Variants in MSRA observed in about 807,000 individuals in gnomAD.
MSRA encodes mitochondrial peptide methionine sulfoxide reductase.
Under a neutral mutation model 31.3 loss-of-function variants are expected in MSRA, and 54 were observed. That is an observed-to-expected ratio of 1.73 (90% CI 1.39 to 2.17). The LOEUF (loss-of-function observed/expected upper bound fraction) is 2.17, where lower values mean the gene tolerates loss of function less well. Among genes scored for constraint, MSRA ranks in the 30% most tolerant of loss-of-function variants. The pLI is 0.00. For missense variants in MSRA, 507 were observed against 300.9 expected (o/e 1.69, Z -5.07); for synonymous variants, 169 against 116.5 (o/e 1.45, Z -2.90).
At chr8:10,077,177 C>T (rs985684214) in intron 1 of MSRA, among the ~76,000 whole-genome samples, 1 of 152,164 alleles carries the variant, frequency 6.6e-6, no homozygotes, top group African/African-American at 2.4e-5. Flanking sequence ...TGGTCGGCCA[C>T]AGCCATTGCA....
At chr8:10,161,822 C>G (rs79980628) in intron 1 of MSRA, among the ~76,000 whole-genome samples, 1 of 150,142 alleles carries the variant, frequency 6.7e-6, no homozygotes, top group African/African-American at 2.5e-5. Flanking sequence ...TTCGTGAATC[C>G]CGCCCCGCCC....
chr8:10,173,852 C>A (rs1421242227), intron 1 of MSRA, among the ~76,000 whole-genome samples: 2 of 152,170 alleles, frequency 1.3e-5, no homozygotes, highest in African/African-American at 4.8e-5. Flanking sequence ...TCACACCAGG[C>A]AGCATTTGTC....
rs182201210 is a variant in MSRA, at chr8:10,055,590, C to T, written c.142+932C>T. ...AGCCCAACAATCTCTAAAACAAGTC[C>T]TCCAGGTGATTGTAATGTACGCTGT... On this transcript the variant is annotated intron_variant, in intron 1 of 5. Coordinates refer to ENST00000317173, the MANE Select transcript of MSRA (RefSeq NM_012331.5). Among the ~76,000 whole-genome samples the T allele has an allele frequency of 4.6e-5, 7 of 152,366 alleles. No individual in the cohort carries two copies. In the East Asian group the frequency reaches 9.6e-4, roughly 21 times the overall value.
intron 1 of MSRA, among the ~76,000 whole-genome samples, chr8:10,075,726 T>C (rs1352856887): frequency 6.6e-6 from 1 of 152,208 alleles, no homozygotes; most frequent in Admixed American, 6.5e-5. Flanking sequence ...TCTCGTAAGG[T>C]GGTTCTCAGT....
chr8:10,105,389 A>G (rs1240204865), intron 1 of MSRA, among the ~76,000 whole-genome samples: 2 of 152,206 alleles, frequency 1.3e-5, no homozygotes, highest in Non-Finnish European at 2.9e-5. Context: ...TTATCTCCTT[A>G]ATTAACATCT....
chr8:10,387,812 C>T (rs2129177792), intron 5 of MSRA, among the ~76,000 whole-genome samples: 1 of 152,258 alleles, frequency 6.6e-6, no homozygotes, highest in African/African-American at 2.4e-5. Context: ...AAGACAATTG[C>T]TTTTTTCGGG....
chr8:10,298,688 C>A (rs1326596685), intron 3 of MSRA, among the ~76,000 whole-genome samples: 1 of 152,122 alleles, frequency 6.6e-6, no homozygotes, highest in Non-Finnish European at 1.5e-5. Context: ...CATTGTTGTT[C>A]ACTAAATCAT....
chr8:10,333,121 T>C (rs879348293), intron 5 of MSRA, among the ~76,000 whole-genome samples: 1 of 152,148 alleles, frequency 6.6e-6, no homozygotes, highest in Non-Finnish European at 1.5e-5. Context: ...AGTAGAAGTA[T>C]AGACACAAAA....
intron 3 of MSRA, among the ~76,000 whole-genome samples, chr8:10,255,732 G>C (rs760746926): frequency 6.6e-6 from 1 of 151,810 alleles, no homozygotes; most frequent in Non-Finnish European, 1.5e-5. Flanking sequence ...TCGTAAAATG[G>C]TGAAATCACA....
chr8:10,224,212 C>T (rs935840170), intron 2 of MSRA, among the ~76,000 whole-genome samples: 6 of 152,270 alleles, frequency 3.9e-5, no homozygotes, highest in African/African-American at 1.4e-4. Context: ...TCACCGTTCA[C>T]CCACTTAGCT....
intron 1 of MSRA, among the ~76,000 whole-genome samples, chr8:10,089,164 T>C (rs1178423503): frequency 6.7e-6 from 1 of 149,932 alleles, no homozygotes; most frequent in Non-Finnish European, 1.5e-5. Flanking sequence ...ACACACACAG[T>C]AACTCTGAGG....
At chr8:10,215,774 G>A (rs1213628901) in intron 2 of MSRA, among the ~76,000 whole-genome samples, 1 of 152,158 alleles carries the variant, frequency 6.6e-6, no homozygotes, top group Non-Finnish European at 1.5e-5. Flanking sequence ...CAACTGTAAA[G>A]CTAATCAGAT....
chr8:10,149,643 A>C (rs781769079), intron 1 of MSRA, among the ~76,000 whole-genome samples: 1 of 151,858 alleles, frequency 6.6e-6, no homozygotes, highest in African/African-American at 2.4e-5. Context: ...TTGTGTGTCT[A>C]CCTTCTGTCT....
chr8:10,396,972 G>A (rs760428113), intron 5 of MSRA, among the ~76,000 whole-genome samples: 11 of 152,150 alleles, frequency 7.2e-5, no homozygotes, highest in Non-Finnish European at 8.8e-5. Context: ...TCAGAGTGTC[G>A]CTGAGTACCA....
At chr8:10,405,955 A>T (rs930785656) in intron 5 of MSRA, among the ~76,000 whole-genome samples, 1 of 152,264 alleles carries the variant, frequency 6.6e-6, no homozygotes, top group Non-Finnish European at 1.5e-5. Flanking sequence ...CACACATGTG[A>T]TGGATCACGA....
chr8:10,152,259 A>T (rs539409093), intron 1 of MSRA, among the ~76,000 whole-genome samples: 13 of 152,372 alleles, frequency 8.5e-5, no homozygotes, highest in Middle Eastern at 3.4e-3. Context: ...ATATAAACAC[A>T]TGTATACGTA....
At chr8:10,208,855 G>T (rs546502451) in intron 2 of MSRA, among the ~76,000 whole-genome samples, 1 of 152,278 alleles carries the variant, frequency 6.6e-6, no homozygotes, top group African/African-American at 2.4e-5. Context: ...CTCCTTTGAG[G>T]GTACAAAACT....
chr8:10,423,754 G>C (rs769706451), intron 5 of MSRA, among the ~76,000 whole-genome samples: 2 of 152,180 alleles, frequency 1.3e-5, no homozygotes, highest in African/African-American at 4.8e-5. Flanking sequence ...GACACGGAAA[G>C]TGGCTGCCTG....
chr8:10,318,237 T>C (rs1229491192), intron 4 of MSRA, among the ~76,000 whole-genome samples: 1 of 152,226 alleles, frequency 6.6e-6, no homozygotes, highest in Non-Finnish European at 1.5e-5. Flanking sequence ...GGTGGGTCAC[T>C]GAATGTCTCT....
Sources: allele counts gnomAD v4.1 joint callset (sites outside exome capture counted in the v4.1 genomes callset), GRCh38; gene constraint gnomAD v4.1.1; transcripts MANE v1.5; gene names NCBI Gene and HGNC (gene_info 2026-07-23, HGNC 2026-07-21).